Variants in EXD2 observed in about 807,000 individuals in gnomAD.
EXD2 encodes the protein exonuclease 3'-5' domain-containing protein 2.
In EXD2, 40 loss-of-function variants were observed where a neutral mutation model predicts 62.5. The ratio of observed to expected loss-of-function variants is 0.64; its 90% confidence interval spans 0.50 to 0.83. EXD2 has a LOEUF of 0.83. EXD2 is among the 40% of genes least tolerant of loss of function. The probability of loss-of-function intolerance (pLI) is 0.00; values close to 1 mark genes in which losing one functional copy is unlikely to be tolerated. For synonymous variants in EXD2, 239 were observed against 291.9 expected, an observed-to-expected ratio of 0.82 and a Z score of 1.85; for missense variants, 671 against 761.8, an observed-to-expected ratio of 0.88 and a Z score of 1.40.
rs1270392215 is a variant in EXD2 at position 69,230,552 on chromosome 14, T to C, written c.671T>C (p.Leu224Pro). 8 of 1,611,762 alleles carry C rather than the reference T, an allele frequency of 5.0e-6. No individual in the cohort carries two copies. Among genetic ancestry groups the C allele is most frequent in the Non-Finnish European group, 6.8e-6 (8 of 1,178,052 alleles). The change falls in exon 5 of 10, where the codon CTA (leucine) becomes CCA (proline). Residue 224 changes from leucine to proline, a missense_variant. By Grantham distance (98) the Leu-to-Pro change is moderately conservative. Coordinates refer to ENST00000685843, the MANE Select transcript of EXD2 (RefSeq NM_001193360.2). ...VLNFPLDKSL[L>P]LRCSNWDAET... Reference sequence around the variant, plus strand: ...AACTTTCCCCTTGACAAGTCCCTTCTACTTCGTTGCAGCAACTGGGATGCT... The same window carrying C: ...AACTTTCCCCTTGACAAGTCCCTTCCACTTCGTTGCAGCAACTGGGATGCT...
rs1448508360 is a variant in EXD2 at position 69,242,981 on chromosome 14, A to T, written c.*1881A>T. Reference sequence around the variant, plus strand: ...CTTTCCTTCTAATCCTCATGCCAAGAGGTGAGAAACACTTAAGGTCATTTA... The same window carrying T: ...CTTTCCTTCTAATCCTCATGCCAAGTGGTGAGAAACACTTAAGGTCATTTA... On this transcript the variant is annotated 3_prime_UTR_variant, in exon 10 of 10. Transcript: ENST00000685843. 3 of 152,170 alleles carry T rather than the reference A, an allele frequency of 2.0e-5. No individual in the cohort carries two copies. The highest frequency in any genetic ancestry group is 4.4e-5 in the Non-Finnish European group (3 of 68,022). 9.4% of individuals were successfully genotyped at this position (152,170 alleles called of 1,614,324 possible).
At chr14:69,200,413 T>C (rs1005597572) in intron 1 of EXD2, among the ~76,000 whole-genome samples, 2 of 152,000 alleles carry the variant, frequency 1.3e-5, no homozygotes, top group African/African-American at 4.8e-5. Flanking sequence ...TAAAAATGGC[T>C]AAAATGGGCC....
intron 3 of EXD2, chr14:69,224,067 C>T (rs1481425413): frequency 6.6e-6 from 1 of 151,892 alleles, no homozygotes; most frequent in Non-Finnish European, 1.5e-5. Context: ...CAGGGTTTTA[C>T]TCTGTCACCT....
intron 2 of EXD2, among the ~76,000 whole-genome samples, chr14:69,207,439 A>G (rs979781865): frequency 6.6e-6 from 1 of 152,188 alleles, no homozygotes; most frequent in Non-Finnish European, 1.5e-5. Context: ...TACTGCAGTG[A>G]GCCGAGATCA....
rs761327770 is a variant in EXD2 at position 69,237,786 on chromosome 14, G to C, written c.1504G>C (p.Val502Leu). 2.3e-5 allele frequency: 37 copies of C among 1,613,556 alleles called. No individual in the cohort carries two copies. The Middle Eastern group carries it at 6.6e-4, about 29-fold the overall frequency. The change falls in exon 9 of 10, where the codon GTG (valine) becomes CTG (leucine). Residue 502 changes from valine to leucine, a missense_variant. Physicochemically the swap from Val to Leu is conservative, Grantham distance 32. Coordinates refer to ENST00000685843, the MANE Select transcript of EXD2 (RefSeq NM_001193360.2). ...RLLEDPERRQVRSGARALLNA... is the reference protein window; with the variant it reads ...RLLEDPERRQLRSGARALLNA... ...GCTGGAAGATCCTGAGCGCCGGCAG[G>C]TGCGTTCTGGGGCCAGGGCCCTGCT...
intron 5 of EXD2, among the ~76,000 whole-genome samples, chr14:69,231,681 G>C (rs1027440031): frequency 1.3e-5 from 2 of 152,056 alleles, no homozygotes; most frequent in Non-Finnish European, 2.9e-5. Context: ...TTCCCTTGGA[G>C]CCTTCTCTCC....
intron 2 of EXD2, among the ~76,000 whole-genome samples, chr14:69,205,775 T>C (rs190203468): frequency 6.6e-6 from 1 of 152,226 alleles, no homozygotes; most frequent in East Asian, 1.9e-4. Context: ...CTGGTTCCAA[T>C]AGAATTTACC....
chr14:69,200,468 G>A (rs942986352), intron 1 of EXD2, among the ~76,000 whole-genome samples: 5 of 151,828 alleles, frequency 3.3e-5, no homozygotes, highest in South Asian at 4.2e-4. Context: ...TTGGGAGGCC[G>A]AGTCTAGGGG....
In EXD2 at chr14:69,240,965, G is replaced by C. The variant is rs747323177; in HGVS notation, c.1731G>C (p.Gln577His). 2.5e-6 allele frequency: 4 copies of C among 1,613,364 alleles called. No individual in the cohort carries two copies. The Admixed American group carries it at 5.0e-5, about 20-fold the overall frequency. Residue 577 changes from glutamine (Q) to histidine (H), a missense_variant, in exon 10 of 10, where the codon CAG (glutamine) becomes CAC (histidine). Coordinates refer to ENST00000685843, the MANE Select transcript of EXD2 (RefSeq NM_001193360.2). Reference protein sequence around the residue: ...HSQGGLRSLMQLESRWRQHFL... With the variant: ...HSQGGLRSLMHLESRWRQHFL... ...AGGGTGGCCTGCGCTCCCTCATGCA[G>C]CTGGAGAGCCGCTGGCGTCAGCACT...
Position 69,234,866 on chromosome 14 carries a change from A to G in EXD2, c.884A>G (p.Lys295Arg). The G allele has an allele frequency of 6.2e-7, 1 of 1,614,224 alleles. No homozygotes were observed. The highest frequency in any genetic ancestry group is 8.5e-7 in the Non-Finnish European group (1 of 1,180,032). ...GTGGTCGACATCCCATTTCGAAGCA[A>G]AGGAATGAGCAGATTGGGAGAAGAG... ...QGVVDIPFRS[K>R]GMSRLGEEVN... The change falls in exon 6 of 10, where the codon AAA becomes AGA. Residue 295 changes from lysine to arginine, a missense_variant. Lys to Arg is a conservative substitution (Grantham distance 26). Transcript: ENST00000685843.
Position 69,243,693 on chromosome 14 carries a change from G to C in EXD2, c.*2593G>C, listed in dbSNP as rs555599058. 1.5e-4 allele frequency: 23 copies of C among 152,250 alleles called. No individual in the cohort carries two copies. Among genetic ancestry groups the C allele is most frequent in the African/African-American group, 5.3e-4 (22 of 41,538 alleles). The allele number at this position is 152,250 out of a possible 1,614,324, so 9.4% of individuals were successfully genotyped here. On this transcript the variant is annotated 3_prime_UTR_variant, in exon 10 of 10. Coordinates refer to ENST00000685843, the MANE Select transcript of EXD2 (RefSeq NM_001193360.2). ...AATCTTAGAATTGGACTGTGAAGAGGGGGATTCACATTGCTGGGGCTAAGT... is the reference window on the plus strand; with the variant it reads ...AATCTTAGAATTGGACTGTGAAGAGCGGGATTCACATTGCTGGGGCTAAGT...
At chr14:69,208,163 C>T (rs1213610246) in intron 2 of EXD2, among the ~76,000 whole-genome samples, 1 of 148,694 alleles carries the variant, frequency 6.7e-6, no homozygotes, top group Non-Finnish European at 1.5e-5. Context: ...CTCCCAAAGT[C>T]CTGGGATTAC....
At chr14:69,208,574 A>T (rs746399775) in intron 2 of EXD2, among the ~76,000 whole-genome samples, 1 of 152,256 alleles carries the variant, frequency 6.6e-6, no homozygotes, top group Non-Finnish European at 1.5e-5. Context: ...ATAGTGCTGT[A>T]TACTCATTTC....
At chr14:69,236,668 A>G (rs1024794482) in intron 8 of EXD2, 126 bp downstream of exon 8, 7 of 1,259,770 alleles carry the variant, frequency 5.6e-6, no homozygotes, top group East Asian at 2.3e-5. Flanking sequence ...TGTTCCTAGT[A>G]TCCAGCTTCC....
chr14:69,243,752 T>C lies in EXD2; in HGVS notation c.*2652T>C, dbSNP rs2044039439. ...ACATCACCTTTTAGGAATGAAATGC[T>C]TCTCTTTGACCCTTTAGCTCCAGTG... On this transcript the variant is annotated 3_prime_UTR_variant, in exon 10 of 10. Transcript: ENST00000685843. The C allele has an allele frequency of 6.6e-6, 1 of 152,218 alleles. No individual in the cohort carries two copies. The highest frequency in any genetic ancestry group is 2.1e-4 in the South Asian group (1 of 4,836). 9.4% of individuals were successfully genotyped at this position (152,218 alleles called of 1,614,324 possible).
chr14:69,221,618 A>G (rs1423999289), intron 3 of EXD2, among the ~76,000 whole-genome samples: 1 of 151,964 alleles, frequency 6.6e-6, no homozygotes, highest in Non-Finnish European at 1.5e-5. Context: ...AAATTAAAAA[A>G]TTAGCCTGGC....
At chr14:69,229,727 G>A (rs375738923) in intron 4 of EXD2, among the ~76,000 whole-genome samples, 7 of 152,162 alleles carry the variant, frequency 4.6e-5, no homozygotes, top group African/African-American at 9.6e-5. Flanking sequence ...GCGGGGAGTC[G>A]TAATTACCTC....
chr14:69,208,456 T>C (rs955632365), intron 2 of EXD2, among the ~76,000 whole-genome samples: 11 of 152,140 alleles, frequency 7.2e-5, no homozygotes, highest in Admixed American at 2.6e-4. Flanking sequence ...GTGATCCACC[T>C]GCCTCGGCCT....
At chr14:69,203,141 C>T (rs574440416) in intron 1 of EXD2, among the ~76,000 whole-genome samples, 1 of 152,276 alleles carries the variant, frequency 6.6e-6, no homozygotes, top group South Asian at 2.1e-4. Flanking sequence ...TCACTTCAGT[C>T]TTGACTTCCC....
Sources: allele counts gnomAD v4.1 joint callset (sites outside exome capture counted in the v4.1 genomes callset), GRCh38; gene constraint gnomAD v4.1.1; transcripts MANE v1.5; gene names NCBI Gene and HGNC (gene_info 2026-07-23, HGNC 2026-07-21).